Variants in KCNIP4 observed in about 807,000 individuals in gnomAD.
KCNIP4 encodes Kv channel-interacting protein 4.
Under a neutral mutation model 34.0 loss-of-function variants are expected in KCNIP4, and 12 were observed. The ratio of observed to expected loss-of-function variants is 0.35; its 90% CI spans 0.23 to 0.57. The LOEUF (loss-of-function observed/expected upper bound fraction) is 0.57. Among genes scored for constraint, KCNIP4 ranks in the 20% least tolerant of loss-of-function variants. KCNIP4 has a pLI of 0.83. For synonymous variants in KCNIP4, 124 were observed against 102.2 expected, an observed-to-expected ratio of 1.21 and a Z score of -1.29; for missense variants, 238 against 311.7, an observed-to-expected ratio of 0.76 and a Z score of 1.78.
At chr4:21,136,242 G>A (rs1751488484) in intron 1 of KCNIP4, among the ~76,000 whole-genome samples, 1 of 152,272 alleles carries the variant, frequency 6.6e-6, no homozygotes, top group Non-Finnish European at 1.5e-5. Flanking sequence ...GGTACAAAGG[G>A]TTTTGTTTTC....
At chr4:21,245,454 C>T (rs1208648016) in intron 1 of KCNIP4, among the ~76,000 whole-genome samples, 1 of 152,028 alleles carries the variant, frequency 6.6e-6, no homozygotes, top group Admixed American at 6.6e-5. Flanking sequence ...TTTGCTTTTG[C>T]TTTGCTTTTT....
At chr4:21,297,768 T>C (rs1349039154) in intron 1 of KCNIP4, among the ~76,000 whole-genome samples, 5 of 134,586 alleles carry the variant, frequency 3.7e-5, no homozygotes, top group Admixed American at 3.0e-4. Flanking sequence ...GGGTTCACTA[T>C]AGTACCTATG....
chr4:21,818,120 C>T (rs1182780997), intron 1 of KCNIP4, among the ~76,000 whole-genome samples: 1 of 152,130 alleles, frequency 6.6e-6, no homozygotes, highest in East Asian at 1.9e-4. Context: ...CATGGTCCTA[C>T]CGATATGTGA....
chr4:21,433,935 A>G (rs1726726508), intron 1 of KCNIP4, among the ~76,000 whole-genome samples: 1 of 152,244 alleles, frequency 6.6e-6, no homozygotes, highest in African/African-American at 2.4e-5. Context: ...GTTACAGGTC[A>G]GGCACATTTA....
chr4:21,136,873 A>C (rs1480772077), intron 1 of KCNIP4, among the ~76,000 whole-genome samples: 1 of 152,038 alleles, frequency 6.6e-6, no homozygotes, highest in Non-Finnish European at 1.5e-5. Context: ...AATCTTCCTC[A>C]TTTATTTGTG....
intron 1 of KCNIP4, among the ~76,000 whole-genome samples, chr4:21,203,424 T>A (rs1756632662): frequency 6.6e-6 from 1 of 152,216 alleles, no homozygotes; most frequent in Non-Finnish European, 1.5e-5. Context: ...GATTTTTCCT[T>A]GGAGTTGCTA....
chr4:21,668,802 AAAT>A (rs1439986148), intron 1 of KCNIP4, among the ~76,000 whole-genome samples: 1 of 149,634 alleles, frequency 6.7e-6, no homozygotes, highest in African/African-American at 2.5e-5. Flanking sequence ...ATTTATAAAT[AAAT>A]AAACACAGTG....
At chr4:20,915,352 G>A (rs1218923155) in intron 1 of KCNIP4, among the ~76,000 whole-genome samples, 2 of 152,128 alleles carry the variant, frequency 1.3e-5, no homozygotes, top group Admixed American at 6.5e-5. Flanking sequence ...TTTTGAGGGA[G>A]GATGAGTTCC....
At chr4:20,882,553 A>G (rs981834820) in intron 2 of KCNIP4, 55 bp downstream of exon 2, 27 of 1,286,730 alleles carry the variant, frequency 2.1e-5, no homozygotes, top group African/African-American at 5.9e-5. Context: ...ATGCAGGCCT[A>G]AAGAAACGAA....
intron 1 of KCNIP4, among the ~76,000 whole-genome samples, chr4:21,337,971 C>T (rs183342722): frequency 2.0e-5 from 3 of 152,184 alleles, no homozygotes; most frequent in South Asian, 2.1e-4. Flanking sequence ...TGCTGAAGAC[C>T]GGCTCTATGG....
At chr4:21,200,020 A>T (rs192914176) in intron 1 of KCNIP4, among the ~76,000 whole-genome samples, 1 of 151,990 alleles carries the variant, frequency 6.6e-6, no homozygotes, top group Admixed American at 6.6e-5. Flanking sequence ...GAAGGGGAAC[A>T]TCACACACTG....
intron 1 of KCNIP4, among the ~76,000 whole-genome samples, chr4:21,475,349 AT>A: frequency 6.6e-6 from 1 of 152,262 alleles, no homozygotes; most frequent in South Asian, 2.1e-4. Flanking sequence ...CTTAGAGAAG[AT>A]GTGACAGAAG....
chr4:21,721,064 C>T (rs867761228), intron 1 of KCNIP4, among the ~76,000 whole-genome samples: 14 of 152,152 alleles, frequency 9.2e-5, no homozygotes, highest in African/African-American at 3.4e-4. Context: ...AATGGTATTT[C>T]TAGTTCTAGA....
At chr4:21,544,963 C>T (rs1446569167) in intron 1 of KCNIP4, among the ~76,000 whole-genome samples, 1 of 152,040 alleles carries the variant, frequency 6.6e-6, no homozygotes, top group Non-Finnish European at 1.5e-5. Context: ...TGAATAGGGG[C>T]TGGGTAAAAT....
At chr4:21,093,763 G>T (rs771533301) in intron 1 of KCNIP4, among the ~76,000 whole-genome samples, 4 of 152,016 alleles carry the variant, frequency 2.6e-5, no homozygotes, top group Admixed American at 2.0e-4. Context: ...TGAGAATAGG[G>T]TATAATGGAT....
intron 1 of KCNIP4, among the ~76,000 whole-genome samples, chr4:21,110,172 A>G (rs1749029746): frequency 6.6e-6 from 1 of 152,286 alleles, no homozygotes; most frequent in Middle Eastern, 3.4e-3. Flanking sequence ...AGGATTTTAG[A>G]TTTAGGACTT....
chr4:21,427,006 C>T (rs1466491533), intron 1 of KCNIP4, among the ~76,000 whole-genome samples: 2 of 151,902 alleles, frequency 1.3e-5, no homozygotes, highest in Non-Finnish European at 2.9e-5. Flanking sequence ...CAAATGCACC[C>T]CAACTCAGTC....
intron 1 of KCNIP4, among the ~76,000 whole-genome samples, chr4:21,116,248 C>A (rs879019194): frequency 6.6e-6 from 1 of 152,214 alleles, no homozygotes; most frequent in African/African-American, 2.4e-5. Flanking sequence ...TAGTCGCATC[C>A]TTGACCTGAA....
chr4:21,757,223 GAAAGAAAGAAAGAAAGAAAGAAAGA>G lies in KCNIP4; in HGVS notation c.61+191323_61+191347del, dbSNP rs1373783884. 1.2e-3 allele frequency among the ~76,000 whole-genome samples: 28 copies of G among 22,424 alleles called. 1 individual carries two copies. The highest frequency in any genetic ancestry group is 6.1e-3 in the South Asian group (6 of 988). The allele number at this position is 22,424 out of a possible 152,430, so 14.7% of individuals were successfully genotyped here. Reference sequence around the variant, plus strand: ...GGAAAGAAAGAAAGAAAGAAAGAAAGAAAGAAAGAAAGAAAGAAAGAAAGAAAAGAAAAGAAAAGAAAAGAAAAGA... The same window carrying G: ...GGAAAGAAAGAAAGAAAGAAAGAAAGAAAGAAAAGAAAAGAAAAGAAAAGA... On this transcript the variant is annotated intron_variant, in intron 1 of 8. Coordinates refer to ENST00000382152, the MANE Select transcript of KCNIP4 (RefSeq NM_025221.6).
Sources: gnomAD v4.1 joint callset for allele counts (sites outside exome capture counted in the v4.1 genomes callset) on GRCh38, gnomAD v4.1.1 for gene constraint, MANE v1.5 for transcripts, NCBI Gene and HGNC (gene_info 2026-07-23, HGNC 2026-07-21) for gene names.